MCF2: variants seen among roughly 807,000 people sequenced by gnomAD.
The protein encoded by MCF2 is MCF.2 cell line derived transforming sequence.
MCF2 carries 44 observed loss-of-function variants against 82.5 expected under a neutral mutation model. That is an observed-to-expected ratio of 0.53 (90% CI 0.42 to 0.69). The LOEUF is 0.69. Among genes scored for constraint, MCF2 ranks in the 30% least tolerant of loss-of-function variants. The pLI, the probability that MCF2 is intolerant of heterozygous loss-of-function variation, is 0.00. For missense variants in MCF2, 623 were observed against 663.1 expected (o/e 0.94, Z 0.66); for synonymous variants, 217 against 224.9 (o/e 0.96, Z 0.32).
intron 1 of MCF2, among the ~76,000 whole-genome samples, chrX:139,656,176 C>T (rs1934192356): frequency 8.9e-6 from 1 of 112,112 alleles, no homozygotes; most frequent in South Asian, 3.7e-4. Flanking sequence ...ATTCTCCTGC[C>T]TCAGCCTCCC....
In MCF2 at chrX:139,617,601, C is replaced by T. The variant is rs774395454; in HGVS notation, c.911G>A (p.Arg304His). The change falls in exon 8 of 25, where the codon CGT (arginine) becomes CAT (histidine). Residue 304 changes from arginine (R) to histidine (H), a missense_variant. Arg to His is a conservative substitution (Grantham distance 29, BLOSUM62 0). Coordinates refer to ENST00000370576, the Ensembl canonical transcript of MCF2. ...ATTAACCAAAATATCAGAAAGGTAA[C>T]GTAGCTCATTGCACCTCTGGCAGAT... The T allele has an allele frequency of 1.9e-5, 23 of 1,203,544 alleles. No homozygotes were observed. Among genetic ancestry groups the T allele is most frequent in the East Asian group, 1.5e-4 (5 of 33,602 alleles).
intron 1 of MCF2, among the ~76,000 whole-genome samples, chrX:139,705,731 A>C (rs1407743207): frequency 8.9e-6 from 1 of 112,265 alleles, no homozygotes; most frequent in Non-Finnish European, 1.9e-5. Context: ...CATTAAACTA[A>C]AGAGCTTCTG....
intron 1 of MCF2, among the ~76,000 whole-genome samples, chrX:139,661,481 C>T (rs1934353976): frequency 9.0e-6 from 1 of 111,522 alleles, no homozygotes; most frequent in Non-Finnish European, 1.9e-5. Flanking sequence ...AGGCAATTCA[C>T]TGAAGATTCC....
chrX:139,644,714 G>A (rs188087644), upstream of MCF2, among the ~76,000 whole-genome samples: 98 of 112,174 alleles, frequency 8.7e-4, 1 homozygote, highest in Non-Finnish European at 1.5e-3. Context: ...TGTGGTGGGC[G>A]TGACCTCCTC....
chrX:139,702,149 C>G (rs1169998341), intron 1 of MCF2: 2 of 112,124 alleles, frequency 1.8e-5, no homozygotes, highest in Non-Finnish European at 1.9e-5. Context: ...CCCATATGCT[C>G]CATCCACTGA....
At chrX:139,615,018 T>C in exon 10 of MCF2, 2 of 1,209,233 alleles carry the variant, frequency 1.7e-6, no homozygotes, top group Middle Eastern at 2.3e-4. Context: ...ACTTCGAATG[T>C]TTTCAAGCTT....
chrX:139,632,300 T>C, intron 2 of MCF2, 35 bp downstream of exon 5: 1 of 1,126,662 alleles, frequency 8.9e-7, no homozygotes, highest in South Asian at 2.1e-5. Flanking sequence ...TCATGAGAAT[T>C]AGAGGAACAA....
At chrX:139,670,873 T>C (rs1321206014) in intron 1 of MCF2, among the ~76,000 whole-genome samples, 1 of 112,103 alleles carries the variant, frequency 8.9e-6, no homozygotes, top group African/African-American at 3.3e-5. Context: ...TTCTAGATGC[T>C]TGAGGAATTG....
intron 21 of MCF2, 53 bp downstream of exon 25, chrX:139,588,307 T>C: frequency 2.2e-6 from 2 of 925,371 alleles, no homozygotes; most frequent in African/African-American, 1.9e-5. Flanking sequence ...AAAATCTGAG[T>C]CAATAAGCTG....
chrX:139,631,043 A>G (rs1329230875), intron 3 of MCF2, among the ~76,000 whole-genome samples: 1 of 111,804 alleles, frequency 8.9e-6, no homozygotes, highest in Non-Finnish European at 1.9e-5. Context: ...ATGTATATTG[A>G]CCAAGGTCAT....
chrX:139,692,954 G>C (rs1177225017), intron 1 of MCF2, among the ~76,000 whole-genome samples: 1 of 112,478 alleles, frequency 8.9e-6, no homozygotes, highest in Non-Finnish European at 1.9e-5. Flanking sequence ...GCTGCCATCT[G>C]CCATGGGCAT....
intron 1 of MCF2, among the ~76,000 whole-genome samples, chrX:139,706,868 T>C (rs1363213941): frequency 9.1e-6 from 1 of 110,033 alleles, no homozygotes; most frequent in Non-Finnish European, 1.9e-5. Context: ...ATAAAGGTTG[T>C]CTAAGATATT....
chrX:139,688,647 G>T (rs1211741727), intron 1 of MCF2, among the ~76,000 whole-genome samples: 2 of 111,837 alleles, frequency 1.8e-5, no homozygotes, highest in African/African-American at 3.3e-5. Context: ...CTTTCCTCCT[G>T]TGATGAATAC....
At chrX:139,615,426 G>A (rs975488304) in intron 9 of MCF2, among the ~76,000 whole-genome samples, 8 of 111,506 alleles carry the variant, frequency 7.2e-5, no homozygotes, top group African/African-American at 2.0e-4. Context: ...GAATAACATC[G>A]GTATAATATT....
At chrX:139,588,288 A>G in intron 21 of MCF2, 72 bp downstream of exon 25, 1 of 804,351 alleles carries the variant, frequency 1.2e-6, no homozygotes, top group East Asian at 3.2e-5. Flanking sequence ...TCTCTGGAAA[A>G]ATAATTTAAA....
intron 1 of MCF2, among the ~76,000 whole-genome samples, chrX:139,689,283 G>A (rs1935200447): frequency 8.9e-6 from 1 of 111,838 alleles, no homozygotes; most frequent in African/African-American, 3.3e-5. Context: ...GATGATCTTT[G>A]TGAAAGCAAA....
At chrX:139,646,235 C>G (rs1022710617), upstream of MCF2, among the ~76,000 whole-genome samples, 1 of 110,293 alleles carries the variant, frequency 9.1e-6, no homozygotes, top group Non-Finnish European at 1.9e-5. Context: ...GATTTGTGTC[C>G]TCTTGTTCTT....
chrX:139,618,943 A>C (rs1342313776), intron 7 of MCF2, among the ~76,000 whole-genome samples: 2 of 111,451 alleles, frequency 1.8e-5, no homozygotes, highest in Non-Finnish European at 3.8e-5. Context: ...AAAGTAGGTC[A>C]TTTTATCCCC....
intron 23 of MCF2, among the ~76,000 whole-genome samples, chrX:139,585,962 C>G (rs964927632): frequency 8.9e-6 from 1 of 112,009 alleles, no homozygotes; most frequent in South Asian, 3.7e-4. Flanking sequence ...AAGTGAAATG[C>G]GCATTCCTTG....
Sources: allele counts gnomAD v4.1 joint callset (sites outside exome capture counted in the v4.1 genomes callset), GRCh38; gene constraint gnomAD v4.1.1; transcripts MANE v1.5; gene names NCBI Gene and HGNC (gene_info 2026-07-23, HGNC 2026-07-21).